The following C1orf146 variants were observed in gnomAD, a reference collection of about 807,000 sequenced individuals.
The protein encoded by C1orf146 is protein SPO16 homolog.
C1orf146 carries 22 observed loss-of-function variants against 23.0 expected under a neutral mutation model. The ratio of observed to expected loss-of-function variants is 0.96; its 90% CI spans 0.68 to 1.36. The LOEUF is 1.36. C1orf146 is among the 40% of genes most tolerant of loss of function. The pLI is 0.00. For missense variants in C1orf146, 199 were observed against 206.8 expected, an observed-to-expected ratio of 0.96 and a Z score of 0.23; for synonymous variants, 59 against 65.3, an observed-to-expected ratio of 0.90 and a Z score of 0.47.
intron 2 of C1orf146, among the ~76,000 whole-genome samples, chr1:92,239,373 C>T (rs1652375221): frequency 6.6e-6 from 1 of 152,120 alleles, no homozygotes; most frequent in South Asian, 2.1e-4. Flanking sequence ...GTGCTATCTT[C>T]CCCTTGAGAG....
At chr1:92,218,641 T>C (rs1651739849) in intron 1 of C1orf146, among the ~76,000 whole-genome samples, 1 of 152,102 alleles carries the variant, frequency 6.6e-6, no homozygotes, top group Non-Finnish European at 1.5e-5. Flanking sequence ...GGGAGTTTGT[T>C]GTCCAGATTC....
intron 1 of C1orf146, among the ~76,000 whole-genome samples, chr1:92,230,888 G>A (rs1245690565): frequency 6.6e-6 from 1 of 152,142 alleles, no homozygotes; most frequent in African/African-American, 2.4e-5. Context: ...CTAAGCTCTG[G>A]GTTTCTTTCC....
chr1:92,244,097 TTA>T, intron 3 of C1orf146, 118 bp from the exon 4 acceptor site: 1 of 647,250 alleles, frequency 1.5e-6, no homozygotes, highest in East Asian at 2.7e-5. Context: ...TTTCTATTCC[TTA>T]TGAGTTTAGG....
chr1:92,231,439 GAA>G lies in C1orf146; in HGVS notation c.24_25del (p.Lys8AsnfsTer10). 1 of 1,610,294 alleles carries G rather than the reference GAA, an allele frequency of 6.2e-7. No individual in the cohort carries two copies. The highest frequency in any genetic ancestry group is 1.1e-5 in the South Asian group (1 of 90,324). On this transcript the variant is annotated frameshift_variant, in exon 2 of 6. Coordinates refer to ENST00000370375, the MANE Select transcript of C1orf146 (RefSeq NM_001012425.2). LOFTEE classifies it high-confidence loss of function. MAESGK[E>X]KIKWTTTIII... ...CAGACAGATGGCTGAAAGTGGAAAA[GAA>G]AAAATAAAATGGACAACCACCATTA...
rs571875267 is a variant in C1orf146 at position 92,227,404 on chromosome 1, G to A, written c.-39-3978G>A. On this transcript the variant is annotated intron_variant, in intron 1 of 5. Coordinates refer to ENST00000370375, the MANE Select transcript of C1orf146 (RefSeq NM_001012425.2). ...AAAAATACAAAAAAATTAGTCAGGC[G>A]TGGTGGCGCCTGTAGTCCCAGCTAC... Among the ~76,000 whole-genome samples, 385 of 152,224 alleles carry A rather than the reference G, an allele frequency of 2.5e-3. 3 individuals carry two copies. Among genetic ancestry groups the A allele is most frequent in the South Asian group, 9.4e-3 (45 of 4,812 alleles).
At chr1:92,232,364 G>GT (rs1652150422) in intron 2 of C1orf146, among the ~76,000 whole-genome samples, 2 of 150,294 alleles carry the variant, frequency 1.3e-5, no homozygotes, top group African/African-American at 2.5e-5. Context: ...GCGGTGTTTG[G>GT]TTTTTTGTCC....
In C1orf146 at chr1:92,228,629, C is replaced by G. The variant is rs61467159; in HGVS notation, c.-39-2753C>G. 8.5e-3 allele frequency among the ~76,000 whole-genome samples: 1,290 copies of G among 152,298 alleles called. 18 individuals are homozygous for G. The highest frequency in any genetic ancestry group is 0.03 in the African/African-American group (1,230 of 41,552). ...GCCTCTAGAGAAATCCCAGAACACT[C>G]AGCCCTGACACATTAATACCCTGCA... On this transcript the variant is annotated intron_variant, in intron 1 of 5. Coordinates refer to ENST00000370375, the MANE Select transcript of C1orf146 (RefSeq NM_001012425.2).
chr1:92,242,313 A>G lies in C1orf146; in HGVS notation c.160+8A>G, dbSNP rs141825414. 284 of 1,447,968 alleles carry G rather than the reference A, an allele frequency of 2.0e-4. 2 individuals carry two copies. In the East Asian group the frequency reaches 4.6e-3, roughly 23 times the overall value. The allele number at this position is 1,447,968 out of a possible 1,614,324, so 89.7% of individuals were successfully genotyped here. Reference sequence around the variant, plus strand: ...TTATATTTTCTCTTTCTGGTATGGTATATTTGCTCACTGCCTTAAGTTTCT... The same window carrying G: ...TTATATTTTCTCTTTCTGGTATGGTGTATTTGCTCACTGCCTTAAGTTTCT... On this transcript the variant is annotated splice_region_variant and intron_variant, in intron 3 of 5. Coordinates refer to ENST00000370375, the MANE Select transcript of C1orf146 (RefSeq NM_001012425.2).
At chr1:92,235,532 A>G (rs1022095938) in intron 2 of C1orf146, among the ~76,000 whole-genome samples, 8 of 152,284 alleles carry the variant, frequency 5.3e-5, no homozygotes, top group South Asian at 2.1e-4. Context: ...ACTTCCAACT[A>G]TGTGGTCAGT....
chr1:92,227,439 T>C (rs1403900145), intron 1 of C1orf146, among the ~76,000 whole-genome samples: 1 of 152,080 alleles, frequency 6.6e-6, no homozygotes, highest in Non-Finnish European at 1.5e-5. Context: ...CTCAGGAGGC[T>C]GAGGCAGGAG....
chr1:92,243,584 A>G (rs952168935), intron 3 of C1orf146, among the ~76,000 whole-genome samples: 1 of 152,108 alleles, frequency 6.6e-6, no homozygotes, highest in African/African-American at 2.4e-5. Context: ...TGACTTTGTG[A>G]TCCGCCCACC....
At chr1:92,229,855 G>A (rs943265904) in intron 1 of C1orf146, among the ~76,000 whole-genome samples, 5 of 151,912 alleles carry the variant, frequency 3.3e-5, no homozygotes, top group Admixed American at 1.3e-4. Context: ...TAGGAAAATG[G>A]GCAAAAGACA....
intron 3 of C1orf146, among the ~76,000 whole-genome samples, chr1:92,243,021 TTAAA>T (rs1557492351): frequency 6.6e-6 from 1 of 152,208 alleles, no homozygotes; most frequent in Admixed American, 6.5e-5. Flanking sequence ...ATTCTTCTGG[TTAAA>T]TACAGAACCC....
At chr1:92,225,886 C>T (rs1651953626) in intron 1 of C1orf146, among the ~76,000 whole-genome samples, 2 of 152,128 alleles carry the variant, frequency 1.3e-5, no homozygotes, top group Non-Finnish European at 2.9e-5. Context: ...CATTCTTTTA[C>T]TTTCAACCTA....
intron 2 of C1orf146, among the ~76,000 whole-genome samples, chr1:92,233,838 G>T (rs888505830): frequency 3.3e-5 from 5 of 151,978 alleles, no homozygotes; most frequent in African/African-American, 1.2e-4. Context: ...CCCTTGTAAG[G>T]TGGATTCCTA....
intron 1 of C1orf146, among the ~76,000 whole-genome samples, chr1:92,230,036 T>C (rs1223191108): frequency 6.6e-6 from 1 of 151,118 alleles, no homozygotes; most frequent in African/African-American, 2.4e-5. Context: ...TTTGTTTTAC[T>C]GTATACCTGG....
At chr1:92,221,712 T>G (rs1199974493) in intron 1 of C1orf146, among the ~76,000 whole-genome samples, 1 of 152,222 alleles carries the variant, frequency 6.6e-6, no homozygotes, top group Non-Finnish European at 1.5e-5. Context: ...AGGGATTAGT[T>G]TTGCTTTCTT....
chr1:92,222,535 GTTTTTTT>G lies in C1orf146; in HGVS notation c.-40+4503_-40+4509del. ...TTTTTTTCCCATTATCCCTTCTTCG[GTTTTTTT>G]TTTTTTTTTTTTTTTGTCACTATAG... is the stretch of plus-strand genomic sequence containing the variant. On this transcript the variant is annotated intron_variant, in intron 1 of 5. Transcript: ENST00000370375. Among the ~76,000 whole-genome samples, 137 of 60,570 alleles carry G rather than the reference GTTTTTTT, an allele frequency of 2.3e-3. 1 individual carries two copies. The South Asian group carries it at 0.085, about 37-fold the overall frequency. The allele number at this position is 60,570 out of a possible 152,430, so 39.7% of individuals were successfully genotyped here. A position where few individuals can be genotyped will look rare whatever the true frequency, so the allele number is the denominator to read the frequency against.
intron 2 of C1orf146, among the ~76,000 whole-genome samples, chr1:92,236,242 G>C (rs1352965754): frequency 6.6e-6 from 1 of 151,912 alleles, no homozygotes; most frequent in African/African-American, 2.4e-5. Context: ...TGCAGCGGCT[G>C]GTACCGGTTG....
Sources: allele counts gnomAD v4.1 joint callset (sites outside exome capture counted in the v4.1 genomes callset), GRCh38; gene constraint gnomAD v4.1.1; transcripts MANE v1.5; gene names NCBI Gene and HGNC (gene_info 2026-07-23, HGNC 2026-07-21).